Variants in TMEM108 observed in about 807,000 individuals in gnomAD.
The protein encoded by TMEM108 is cancer/testis antigen 124.
TMEM108 carries 12 observed loss-of-function variants against 35.1 expected under a neutral mutation model. The ratio of observed to expected loss-of-function variants is 0.34; its 90% CI spans 0.22 to 0.55. The LOEUF (loss-of-function observed/expected upper bound fraction) is 0.55, where lower values mean the gene tolerates loss of function less well. Ranked by LOEUF, TMEM108 falls within the 20% of genes least tolerant of loss-of-function variation. The probability of loss-of-function intolerance (pLI) is 0.89; values close to 1 mark genes in which losing one functional copy is unlikely to be tolerated. For synonymous variants in TMEM108, 287 were observed against 308.6 expected (o/e 0.93, Z 0.73); for missense variants, 680 against 753.3 (o/e 0.90, Z 1.14).
chr3:133,040,758 A>G (rs955297115), intron 1 of TMEM108, among the ~76,000 whole-genome samples: 2 of 152,226 alleles, frequency 1.3e-5, no homozygotes, highest in African/African-American at 2.4e-5. Context: ...AACGTACTTC[A>G]GTGACCTATA....
chr3:133,380,586 C>T lies in TMEM108; in HGVS notation c.875C>T (p.Thr292Ile). The change falls in exon 4 of 6, where the codon ACC (threonine) becomes ATC (isoleucine). Residue 292 changes from threonine (T) to isoleucine (I), a missense_variant. Around this residue, in one of 3 missense-constraint regions of TMEM108, gnomAD observed 526 missense variants for 532.1 expected, o/e 0.99. Coordinates refer to ENST00000321871, the MANE Select transcript of TMEM108 (RefSeq NM_023943.4). This position sits in a 1 kb window ranked among gnomAD's most constrained non-coding sequence, Gnocchi z 5.3. ...GCCCAGGGGGGTGGTTCTACCTTCACCAGCCAAGGAGGGACACCAGATGCC... is the reference window on the plus strand; with the variant it reads ...GCCCAGGGGGGTGGTTCTACCTTCATCAGCCAAGGAGGGACACCAGATGCC... The part of the protein sequence containing the change: ...RAAQGGGSTF[T>I]SQGGTPDATA... 2 of 1,613,170 alleles carry T rather than the reference C, an allele frequency of 1.2e-6. No homozygotes were observed. The highest frequency in any genetic ancestry group is 1.1e-5 in the South Asian group (1 of 90,966).
intron 3 of TMEM108, among the ~76,000 whole-genome samples, chr3:133,336,433 G>T (rs1180459995): frequency 3.3e-5 from 5 of 152,058 alleles, no homozygotes; most frequent in African/African-American, 7.2e-5. Flanking sequence ...CAGAGTATGA[G>T]GCCCTCTTTC....
At position 133,380,684 on chromosome 3, in the gene TMEM108, C is replaced by A. The variant is rs762602426; in HGVS notation, c.973C>A (p.Pro325Thr). ...TTCTCAGCGCCCCCACCACGGTGACCCACAGGATGGCCCCAGCCATAGTGA... is the reference window on the plus strand; with the variant it reads ...TTCTCAGCGCCCCCACCACGGTGACACACAGGATGGCCCCAGCCATAGTGA... ...VPSQRPHHGD[P>T]QDGPSHSDSW... The change falls in exon 4 of 6, where the codon CCA (proline) becomes ACA (threonine). Residue 325 changes from proline (P) to threonine (T), a missense_variant. Coordinates refer to ENST00000321871, the MANE Select transcript of TMEM108 (RefSeq NM_023943.4). The surrounding 1 kb of genome is among the most constrained non-coding windows in gnomAD (Gnocchi z 5.3). 1.2e-4 allele frequency: 197 copies of A among 1,614,036 alleles called. No individual in the cohort carries two copies. The highest frequency in any genetic ancestry group is 1.6e-4 in the Non-Finnish European group (193 of 1,180,030).
chr3:133,259,187 G>A (rs1215174955), intron 3 of TMEM108, among the ~76,000 whole-genome samples: 1 of 152,182 alleles, frequency 6.6e-6, no homozygotes, highest in South Asian at 2.1e-4. Flanking sequence ...AACCTGGACT[G>A]ATTCTTTCAT....
intron 2 of TMEM108, among the ~76,000 whole-genome samples, chr3:133,114,036 T>G (rs1347398374): frequency 6.6e-6 from 1 of 152,192 alleles, no homozygotes; most frequent in East Asian, 1.9e-4. Flanking sequence ...GGAAGCCATG[T>G]CTAGAAAAAG....
intron 3 of TMEM108, among the ~76,000 whole-genome samples, chr3:133,237,692 A>G (rs1946258157): frequency 6.6e-6 from 1 of 152,188 alleles, no homozygotes; most frequent in Non-Finnish European, 1.5e-5. Flanking sequence ...ATCTCAACAG[A>G]TTGAATGCAG....
chr3:133,366,624 T>A (rs1316933686), intron 3 of TMEM108, among the ~76,000 whole-genome samples: 1 of 152,238 alleles, frequency 6.6e-6, no homozygotes. Context: ...CAAATGGTGT[T>A]ATTAGTTTTT....
chr3:133,239,096 T>C lies in TMEM108; in HGVS notation c.40+9745T>C, dbSNP rs571952539. 2.0e-5 allele frequency among the ~76,000 whole-genome samples: 3 copies of C among 152,306 alleles called. No homozygotes were observed. In the South Asian group the frequency reaches 6.2e-4, roughly 32 times the overall value. On this transcript the variant is annotated intron_variant, in intron 3 of 5. Transcript: ENST00000321871. Reference sequence around the variant, plus strand: ...TATTTTCCAAATTATTTTCATCCTTTTCCATCCAAAACATACCACTGCTAA... The same window carrying C: ...TATTTTCCAAATTATTTTCATCCTTCTCCATCCAAAACATACCACTGCTAA...
At chr3:133,290,620 GA>G (rs974006220) in intron 3 of TMEM108, among the ~76,000 whole-genome samples, 108 of 143,150 alleles carry the variant, frequency 7.5e-4, no homozygotes, top group African/African-American at 2.7e-3. Context: ...AACTGCATCT[GA>G]AAAAAAAAAC....
At chr3:133,261,065 A>T (rs962631864) in intron 3 of TMEM108, among the ~76,000 whole-genome samples, 10 of 152,150 alleles carry the variant, frequency 6.6e-5, no homozygotes, top group African/African-American at 2.2e-4. Context: ...CAACAGCATC[A>T]TATGTAGATC....
At chr3:133,060,916 T>C (rs2107681910) in intron 2 of TMEM108, among the ~76,000 whole-genome samples, 1 of 152,364 alleles carries the variant, frequency 6.6e-6, no homozygotes, top group East Asian at 1.9e-4. Flanking sequence ...ATTAGGAAAC[T>C]AAATACTTAT....
chr3:133,366,770 C>T (rs1394279835), intron 3 of TMEM108, among the ~76,000 whole-genome samples: 1 of 152,106 alleles, frequency 6.6e-6, no homozygotes, highest in Non-Finnish European at 1.5e-5. Flanking sequence ...CCTTTTCTAC[C>T]TCATAGGGTT....
intron 2 of TMEM108, among the ~76,000 whole-genome samples, chr3:133,113,574 C>T (rs1264198650): frequency 6.6e-6 from 1 of 152,140 alleles, no homozygotes; most frequent in African/African-American, 2.4e-5. Flanking sequence ...GTAAAGTCCT[C>T]CTTCCAGCCC....
intron 2 of TMEM108, among the ~76,000 whole-genome samples, chr3:133,200,596 G>T (rs183973685): frequency 1.3e-5 from 2 of 152,034 alleles, no homozygotes; most frequent in Non-Finnish European, 2.9e-5. Context: ...AACTTTTAGC[G>T]GATTTAAAGG....
At chr3:133,342,136 G>A (rs2071676102) in intron 3 of TMEM108, among the ~76,000 whole-genome samples, 1 of 151,708 alleles carries the variant, frequency 6.6e-6, no homozygotes, top group African/African-American at 2.4e-5. Context: ...CTATCTATCT[G>A]ACAAGGGATT....
chr3:133,370,619 A>G (rs1270548343), intron 3 of TMEM108, among the ~76,000 whole-genome samples: 2 of 152,174 alleles, frequency 1.3e-5, no homozygotes, highest in Non-Finnish European at 2.9e-5. Flanking sequence ...GAGATGTTCC[A>G]TGAATATTAA....
intron 4 of TMEM108, chr3:133,389,021 C>G: frequency 2.0e-6 from 2 of 985,672 alleles, no homozygotes; most frequent in Non-Finnish European, 2.4e-6. Flanking sequence ...CTTCAGCTCT[C>G]CTCATCCCCA....
At chr3:133,343,247 ACT>A (rs1000723917) in intron 3 of TMEM108, among the ~76,000 whole-genome samples, 8 of 151,914 alleles carry the variant, frequency 5.3e-5, no homozygotes, top group African/African-American at 1.9e-4. Context: ...AGCAACAGGA[ACT>A]CTAATTAATT....
intron 2 of TMEM108, among the ~76,000 whole-genome samples, chr3:133,173,903 A>AG (rs1576360762): frequency 1.3e-5 from 2 of 152,220 alleles, no homozygotes; most frequent in Admixed American, 1.3e-4. Flanking sequence ...GGGAAGCACA[A>AG]GGGGTTAGGG....
Sources: gnomAD v4.1 joint callset for allele counts (sites outside exome capture counted in the v4.1 genomes callset) on GRCh38, gnomAD v4.1.1 for gene constraint, gnomAD v4.1.1 regional missense constraint, Gnocchi (gnomAD v3.1) non-coding constraint, MANE v1.5 for transcripts, NCBI Gene and HGNC (gene_info 2026-07-23, HGNC 2026-07-21) for gene names.